The following ATRNL1 variants were observed in gnomAD, a reference collection of about 807,000 sequenced individuals.
The protein encoded by ATRNL1 is attractin like 1, also known as attractin-like protein 1.
In ATRNL1, 95 loss-of-function variants were observed where a neutral mutation model predicts 182.7. The observed-to-expected ratio is 0.52, with a 90% CI of 0.44 to 0.62. The LOEUF (loss-of-function observed/expected upper bound fraction) is 0.62. Among genes scored for constraint, ATRNL1 ranks in the 20% least tolerant of loss-of-function variants. ATRNL1 has a pLI of 0.00. For synonymous variants in ATRNL1, 576 were observed against 568.3 expected (o/e 1.01, Z -0.19); for missense variants, 1,471 against 1,679.5 (o/e 0.88, Z 2.17).
At chr10:115,258,078 T>C (rs969901880) in intron 10 of ATRNL1, among the ~76,000 whole-genome samples, 7 of 152,164 alleles carry the variant, frequency 4.6e-5, no homozygotes, top group African/African-American at 1.4e-4. Context: ...ATCCAACAAT[T>C]ATGTGTCTTG....
chr10:115,623,698 A>T (rs563912546), intron 26 of ATRNL1, among the ~76,000 whole-genome samples: 51 of 152,302 alleles, frequency 3.3e-4, no homozygotes, highest in African/African-American at 1.2e-3. Flanking sequence ...GTTTTTTTAA[A>T]AATACTAATA....
chr10:115,725,941 A>T (rs900844962), intron 26 of ATRNL1, among the ~76,000 whole-genome samples: 1 of 152,176 alleles, frequency 6.6e-6, no homozygotes, highest in African/African-American at 2.4e-5. Flanking sequence ...ATGTATTTTT[A>T]AAATGAATTT....
chr10:115,252,095 T>A (rs1031652834), intron 10 of ATRNL1, among the ~76,000 whole-genome samples: 21 of 152,212 alleles, frequency 1.4e-4, no homozygotes, highest in African/African-American at 5.1e-4. Flanking sequence ...GGTTCGATCT[T>A]GGCTCACTGC....
In ATRNL1 at chr10:115,466,188, C is replaced by T. The variant is rs371390199; in HGVS notation, c.3418-986C>T. On this transcript the variant is annotated intron_variant, in intron 22 of 28. Transcript: ENST00000355044. ...TAGTTGCTTCCATATTTACTTTCTC[C>T]TAAGAGCCACTTAGAAAATTGGGAA... Among the ~76,000 whole-genome samples the T allele has an allele frequency of 1.8e-3, 272 of 151,408 alleles. 1 individual carries two copies. Among genetic ancestry groups the T allele is most frequent in the South Asian group, 0.011 (52 of 4,820 alleles).
intron 24 of ATRNL1, among the ~76,000 whole-genome samples, chr10:115,499,019 A>G (rs1849685187): frequency 6.6e-6 from 1 of 152,114 alleles, no homozygotes; most frequent in Non-Finnish European, 1.5e-5. Context: ...TAATTTCTAT[A>G]AAATGGTGTT....
At chr10:115,261,402 CAG>C (rs1262425664) in intron 10 of ATRNL1, among the ~76,000 whole-genome samples, 14 of 152,024 alleles carry the variant, frequency 9.2e-5, no homozygotes, top group South Asian at 2.1e-4. Context: ...GAATATATAA[CAG>C]GGGAGAAATA....
chr10:115,338,582 T>C (rs1249918030), intron 19 of ATRNL1, among the ~76,000 whole-genome samples: 3 of 152,232 alleles, frequency 2.0e-5, no homozygotes, highest in African/African-American at 7.2e-5. Flanking sequence ...TTATTAGATT[T>C]TTTTCTGTGG....
chr10:115,313,255 G>A (rs1554928519), intron 17 of ATRNL1, among the ~76,000 whole-genome samples: 1 of 151,746 alleles, frequency 6.6e-6, no homozygotes, highest in Non-Finnish European at 1.5e-5. Flanking sequence ...TATTTCTGTA[G>A]GTTCTTATAA....
intron 26 of ATRNL1, among the ~76,000 whole-genome samples, chr10:115,586,712 T>G (rs201973815): frequency 0.25 from 21,165 of 85,526 alleles, 3,629 homozygotes; most frequent in East Asian, 0.68. Context: ...TCCTCCCATA[T>G]CTCAGAGTAA....
intron 15 of ATRNL1, among the ~76,000 whole-genome samples, chr10:115,294,773 G>A (rs1853094244): frequency 6.6e-6 from 1 of 152,136 alleles, no homozygotes; most frequent in African/African-American, 2.4e-5. Context: ...GGGTGTATTG[G>A]TATTGGTTCT....
intron 28 of ATRNL1, among the ~76,000 whole-genome samples, chr10:115,908,382 G>T (rs1952566599): frequency 6.6e-6 from 1 of 151,984 alleles, no homozygotes; most frequent in African/African-American, 2.4e-5. Context: ...TTTCGAGGCT[G>T]CCTGCATTCC....
intron 27 of ATRNL1, among the ~76,000 whole-genome samples, chr10:115,733,424 G>T (rs1202902970): frequency 6.6e-6 from 1 of 152,168 alleles, no homozygotes; most frequent in South Asian, 2.1e-4. Flanking sequence ...TTTCTATTTG[G>T]TAGCTCTAAC....
chr10:115,572,517 A>C (rs545357017), intron 26 of ATRNL1, among the ~76,000 whole-genome samples: 3 of 152,322 alleles, frequency 2.0e-5, no homozygotes, highest in Middle Eastern at 3.4e-3. Flanking sequence ...AACCTAAACC[A>C]TAAGAACTGG....
chr10:115,552,479 A>G (rs1458234736), intron 26 of ATRNL1, among the ~76,000 whole-genome samples: 2 of 151,348 alleles, frequency 1.3e-5, no homozygotes, highest in Non-Finnish European at 3.0e-5. Flanking sequence ...CTTAGAAATT[A>G]TGTAGTTTTA....
intron 15 of ATRNL1, among the ~76,000 whole-genome samples, chr10:115,299,140 T>A (rs1421951334): frequency 2.6e-5 from 4 of 151,816 alleles, no homozygotes; most frequent in Non-Finnish European, 5.9e-5. Flanking sequence ...TAATATAATA[T>A]TGGTAGCTTA....
chr10:115,218,220 G>A (rs1849306171), intron 9 of ATRNL1, among the ~76,000 whole-genome samples: 1 of 151,826 alleles, frequency 6.6e-6, no homozygotes, highest in Non-Finnish European at 1.5e-5. Flanking sequence ...GACACCGAAA[G>A]TGTTTTGCCT....
At chr10:115,335,801 C>T (rs1855453474) in intron 19 of ATRNL1, among the ~76,000 whole-genome samples, 1 of 152,082 alleles carries the variant, frequency 6.6e-6, no homozygotes, top group African/African-American at 2.4e-5. Flanking sequence ...ATACTTGGTG[C>T]ATGGCAAATA....
chr10:115,921,542 C>T (rs1356409873), intron 28 of ATRNL1, among the ~76,000 whole-genome samples: 1 of 152,140 alleles, frequency 6.6e-6, no homozygotes, highest in African/African-American at 2.4e-5. Flanking sequence ...TTTTACACCT[C>T]TTACCCCCAT....
In ATRNL1 at chr10:115,797,774, C is replaced by G. The variant is rs552446700; in HGVS notation, c.3904-50103C>G. 1.4e-4 allele frequency among the ~76,000 whole-genome samples: 21 copies of G among 152,256 alleles called. No individual in the cohort carries two copies. The South Asian group carries it at 4.3e-3, about 31-fold the overall frequency. ...AAGCCTTCACTAAGAAGATGACATT[C>G]AAGCAAAGATCTGGGAGAAGTACAG... On this transcript the variant is annotated intron_variant, in intron 27 of 28. Coordinates refer to ENST00000355044, the MANE Select transcript of ATRNL1 (RefSeq NM_207303.4).
Sources: gnomAD v4.1 joint callset for allele counts (sites outside exome capture counted in the v4.1 genomes callset) on GRCh38, gnomAD v4.1.1 for gene constraint, MANE v1.5 for transcripts, NCBI Gene and HGNC (gene_info 2026-07-23, HGNC 2026-07-21) for gene names.